Variants in MEGF11 observed in about 807,000 individuals in gnomAD.
MEGF11 encodes multiple EGF like domains 11.
MEGF11 carries 126 observed loss-of-function variants against 146.6 expected under a neutral mutation model. The ratio of observed to expected loss-of-function variants is 0.86; its 90% CI spans 0.74 to 1.00. MEGF11 has a LOEUF of 1.00. MEGF11 is among the 50% of genes least tolerant of loss of function. The probability of loss-of-function intolerance (pLI) is 0.00; values close to 1 mark genes in which losing one functional copy is unlikely to be tolerated. For synonymous variants in MEGF11, 532 were observed against 583.4 expected, an observed-to-expected ratio of 0.91 and a Z score of 1.27; for missense variants, 1,509 against 1,521.2, an observed-to-expected ratio of 0.99 and a Z score of 0.13.
chr15:66,037,465 T>A (rs74493853), intron 5 of MEGF11, among the ~76,000 whole-genome samples: 2,549 of 152,338 alleles, frequency 0.017, 26 homozygotes, highest in Non-Finnish European at 0.025. Context: ...ATAAGAATGG[T>A]CCCTGCTTCA....
chr15:66,147,006 G>A (rs1399203141), intron 1 of MEGF11, among the ~76,000 whole-genome samples: 1 of 152,184 alleles, frequency 6.6e-6, no homozygotes, highest in African/African-American at 2.4e-5. Context: ...CAGGCATAAT[G>A]TGGACACCAT....
intron 5 of MEGF11, among the ~76,000 whole-genome samples, chr15:66,092,947 G>C (rs1222932377): frequency 6.6e-6 from 1 of 152,198 alleles, no homozygotes; most frequent in Non-Finnish European, 1.5e-5. Flanking sequence ...GATAAGGGCG[G>C]GGGAAGCCCA....
At position 66,052,035 on chromosome 15, in the gene MEGF11, T is replaced by C. The variant is rs367791682; in HGVS notation, c.394+42367A>G. ...GGCACAAAAATAGATTTGGAGAATT[T>C]ATCTCATACATGCATCATGAGGAGG... On this transcript the variant is annotated intron_variant, in intron 5 of 25. Transcript: ENST00000395614. Among the ~76,000 whole-genome samples the C allele has an allele frequency of 2.6e-5, 4 of 152,220 alleles. No individual in the cohort carries two copies. In the East Asian group the frequency reaches 5.8e-4, roughly 22 times the overall value.
intron 5 of MEGF11, among the ~76,000 whole-genome samples, chr15:65,995,561 C>A (rs2082173272): frequency 6.6e-6 from 1 of 152,228 alleles, no homozygotes; most frequent in Admixed American, 6.5e-5. Context: ...CTAGAGAGCA[C>A]ACTCTGAAGA....
intron 5 of MEGF11, among the ~76,000 whole-genome samples, chr15:66,076,362 AT>A (rs1388301548): frequency 1.3e-5 from 2 of 150,896 alleles, no homozygotes; most frequent in Non-Finnish European, 3.0e-5. Flanking sequence ...AAAAAAAAAA[AT>A]ACCAAGTGGC....
At chr15:65,964,742 T>C (rs1459872735) in intron 9 of MEGF11, among the ~76,000 whole-genome samples, 166 bp downstream of exon 9, 2 of 152,182 alleles carry the variant, frequency 1.3e-5, no homozygotes, top group African/African-American at 2.4e-5. Context: ...TGGCTTCCCC[T>C]TCTTTTCATC....
At chr15:66,114,431 C>T (rs1227009527) in intron 4 of MEGF11, among the ~76,000 whole-genome samples, 1 of 152,210 alleles carries the variant, frequency 6.6e-6, no homozygotes, top group Non-Finnish European at 1.5e-5. Context: ...GGGATTTGGA[C>T]GTTGTCTGTT....
intron 1 of MEGF11, among the ~76,000 whole-genome samples, chr15:66,131,869 G>C (rs571200510): frequency 1.8e-4 from 27 of 152,270 alleles, no homozygotes; most frequent in African/African-American, 5.5e-4. Context: ...AGCTCTAAGA[G>C]CGGTGTTCCT....
At chr15:66,173,268 G>T (rs1356057554) in intron 1 of MEGF11, among the ~76,000 whole-genome samples, 1 of 152,056 alleles carries the variant, frequency 6.6e-6, no homozygotes, top group Non-Finnish European at 1.5e-5. Flanking sequence ...TCCACCCAAA[G>T]CCTCTCTTTT....
chr15:66,100,907 GGTGA>G (rs1209024165), intron 4 of MEGF11, among the ~76,000 whole-genome samples: 4 of 149,904 alleles, frequency 2.7e-5, no homozygotes, highest in Middle Eastern at 3.2e-3. Flanking sequence ...TGGGTGGGTG[GGTGA>G]GTGAGTGGGT....
chr15:66,033,750 T>C (rs1464646608), intron 5 of MEGF11, among the ~76,000 whole-genome samples: 1 of 152,122 alleles, frequency 6.6e-6, no homozygotes, highest in Non-Finnish European at 1.5e-5. Flanking sequence ...TAAGACCAAA[T>C]ATAATTTTCC....
At chr15:65,973,071 C>T (rs2141625047) in intron 7 of MEGF11, among the ~76,000 whole-genome samples, 1 of 149,836 alleles carries the variant, frequency 6.7e-6, no homozygotes, top group South Asian at 2.1e-4. Flanking sequence ...GAGCCAAGAT[C>T]ACACAACTGC....
intron 8 of MEGF11, among the ~76,000 whole-genome samples, chr15:65,965,609 T>TCTTTCTTTCTTTCTTTCTTTC (rs1567180128): frequency 1.4e-4 from 11 of 80,408 alleles, no homozygotes; most frequent in Admixed American, 2.7e-4. Flanking sequence ...TCTTTTTTTT[T>TCTTTCTTTCTTTCTTTCTTTC]TTTCTTTTTT....
At chr15:66,142,374 C>T (rs1166845863) in intron 1 of MEGF11, among the ~76,000 whole-genome samples, 2 of 152,200 alleles carry the variant, frequency 1.3e-5, no homozygotes, top group African/African-American at 4.8e-5. Context: ...CATATCTAGA[C>T]AGAACAGGCG....
chr15:65,918,582 A>G (rs1457689344), intron 15 of MEGF11, among the ~76,000 whole-genome samples: 2 of 152,258 alleles, frequency 1.3e-5, no homozygotes, highest in East Asian at 3.8e-4. Context: ...TGACTGTTAA[A>G]GGACCAGCCC....
At chr15:66,033,566 T>C (rs1384247598) in intron 5 of MEGF11, among the ~76,000 whole-genome samples, 1 of 152,192 alleles carries the variant, frequency 6.6e-6, no homozygotes, top group Non-Finnish European at 1.5e-5. Context: ...TGTGGGGTCA[T>C]GGTGGCCTCC....
rs2084549697 is a variant in MEGF11 at position 66,053,714 on chromosome 15, A to ATTTTTT, written c.394+40687_394+40688insAAAAAA. On this transcript the variant is annotated intron_variant, in intron 5 of 25. Coordinates refer to ENST00000395614, the MANE Select transcript of MEGF11 (RefSeq NM_001385028.1). ...ACTCAGCTCCCCCTCCCCTGGCACCAATTTTTTTTTTTTTTTTTTTTTTTT... is the reference window on the plus strand; with the variant it reads ...ACTCAGCTCCCCCTCCCCTGGCACCATTTTTTATTTTTTTTTTTTTTTTTTTTTTTT... Among the ~76,000 whole-genome samples the ATTTTTT allele has an allele frequency of 4.3e-4, 18 of 42,268 alleles. 8 individuals carry two copies. Among genetic ancestry groups the ATTTTTT allele is most frequent in the Non-Finnish European group, 4.5e-4 (7 of 15,512 alleles). 27.7% of individuals were successfully genotyped at this position (42,268 alleles called of 152,430 possible). A position where few individuals can be genotyped will look rare whatever the true frequency, so the allele number is the denominator to read the frequency against.
intron 21 of MEGF11, among the ~76,000 whole-genome samples, chr15:65,911,239 T>A (rs187245987): frequency 6.0e-4 from 91 of 152,354 alleles, no homozygotes; most frequent in African/African-American, 2.0e-3. Flanking sequence ...TCCACATCCC[T>A]TGTTGATTCA....
chr15:65,993,098 G>A (rs562135061), intron 5 of MEGF11, among the ~76,000 whole-genome samples: 10 of 152,268 alleles, frequency 6.6e-5, no homozygotes, highest in Admixed American at 5.9e-4. Flanking sequence ...ACCTACCTGC[G>A]CTCCCGGCAG....
Sources: allele counts gnomAD v4.1 joint callset (sites outside exome capture counted in the v4.1 genomes callset), GRCh38; gene constraint gnomAD v4.1.1; transcripts MANE v1.5; gene names NCBI Gene and HGNC (gene_info 2026-07-23, HGNC 2026-07-21).